Variants in GPHN observed in about 807,000 individuals in gnomAD.
GPHN encodes gephyrin.
A neutral mutation model predicts 95.5 loss-of-function variants in GPHN; 17 were observed. The observed-to-expected ratio is 0.18, with a 90% confidence interval of 0.12 to 0.27. The LOEUF is 0.27. Among genes scored for constraint, GPHN ranks in the 10% least tolerant of loss-of-function variants. GPHN has a pLI of 1.00. For synonymous variants in GPHN, 320 were observed against 322.5 expected, an observed-to-expected ratio of 0.99 and a Z score of 0.08; for missense variants, 660 against 978.1, an observed-to-expected ratio of 0.67 and a Z score of 4.34.
At chr14:66,702,511 T>A (rs922130988) in intron 2 of GPHN, among the ~76,000 whole-genome samples, 6 of 152,032 alleles carry the variant, frequency 3.9e-5, no homozygotes, top group African/African-American at 7.2e-5. Flanking sequence ...ACCAAATGAA[T>A]AGGGCCTGAA....
chr14:67,064,261 C>G (rs891308113), intron 11 of GPHN, among the ~76,000 whole-genome samples: 1 of 152,124 alleles, frequency 6.6e-6, no homozygotes, highest in African/African-American at 2.4e-5. Flanking sequence ...TTTGAACCAG[C>G]CTTTCATCTC....
intron 12 of GPHN, among the ~76,000 whole-genome samples, chr14:67,097,493 A>G (rs8009087): frequency 0.33 from 49,460 of 151,592 alleles, 12,835 homozygotes; most frequent in African/African-American, 0.7. Flanking sequence ...CTTCATGTCT[A>G]TCTTTTCCTC....
the GPHN span, among the ~76,000 whole-genome samples, chr14:67,372,480 T>C: frequency 2.6e-5 from 4 of 152,270 alleles, no homozygotes; most frequent in East Asian, 3.9e-4. Flanking sequence ...AAAGACACTA[T>C]AAAGAGAATA....
At chr14:67,474,820 C>T in the GPHN span, among the ~76,000 whole-genome samples, 1 of 152,074 alleles carries the variant, frequency 6.6e-6, no homozygotes, top group South Asian at 2.1e-4. Context: ...AAACACTGTC[C>T]TTTTGTGACT....
the GPHN span, among the ~76,000 whole-genome samples, chr14:67,192,909 T>G: frequency 6.8e-6 from 1 of 146,566 alleles, no homozygotes; most frequent in Non-Finnish European, 1.5e-5. Context: ...TCTAGATATA[T>G]ATAGATATAT....
the GPHN span, chr14:67,646,979 G>T: frequency 1.7e-5 from 27 of 1,612,842 alleles, no homozygotes; most frequent in Admixed American, 4.5e-4. Context: ...TGATCGACTT[G>T]GTATCCAGAA....
chr14:66,879,328 A>C (rs1026177620), intron 4 of GPHN, among the ~76,000 whole-genome samples: 1 of 150,284 alleles, frequency 6.7e-6, no homozygotes, highest in African/African-American at 2.5e-5. Flanking sequence ...CGTTCTGCAC[A>C]TGTACCCCAG....
At chr14:66,948,525 A>C (rs2067893495) in intron 8 of GPHN, among the ~76,000 whole-genome samples, 1 of 152,270 alleles carries the variant, frequency 6.6e-6, no homozygotes, top group East Asian at 1.9e-4. Context: ...GTCTTTTTAA[A>C]ATTTATATCA....
At position 66,776,536 on chromosome 14, in the gene GPHN, T is replaced by C. The variant is rs1296379131; in HGVS notation, c.201+15T>C. The C allele has an allele frequency of 6.8e-7, 1 of 1,463,484 alleles. No individual in the cohort carries two copies. The highest frequency in any genetic ancestry group is 9.6e-7 in the Non-Finnish European group (1 of 1,043,472). The allele number at this position is 1,463,484 out of a possible 1,614,324, so 90.7% of individuals were successfully genotyped here. A position where few individuals can be genotyped will look rare whatever the true frequency, so the allele number is the denominator to read the frequency against. On this transcript the variant is annotated intron_variant, in intron 3 of 22. Coordinates refer to ENST00000478722, the MANE Select transcript of GPHN (RefSeq NM_020806.5). ...AAGAAATCAAGGTATAGTATGGCAT[T>C]TTTCACCTCTACAAACATTTAGCAT... is the stretch of plus-strand genomic sequence containing the variant.
chr14:67,677,363 A>ATTTTTTTTTTTTTTTTTTTTTT, the GPHN span: 2 of 31,978 alleles, frequency 6.3e-5, no homozygotes, highest in Admixed American at 5.7e-4. Flanking sequence ...TGTTTTTAGG[A>ATTTTTTTTTTTTTTTTTTTTTT]TTTTTTTTTT....
Position 66,636,869 on chromosome 14 carries a change from A to C in GPHN, c.65-44238A>C, listed in dbSNP as rs80243121. Among the ~76,000 whole-genome samples, 555 of 152,304 alleles carry C rather than the reference A, an allele frequency of 3.6e-3. 12 individuals carry two copies. Among genetic ancestry groups the C allele is most frequent in the African/African-American group, 0.013 (529 of 41,588 alleles). The stretch of plus-strand genomic sequence containing the variant: ...AGTTGATGTAGCCCAAACAGTAAAT[A>C]ATCTGGATAATCTATTATCTTGATT... On this transcript the variant is annotated intron_variant, in intron 1 of 22. Coordinates refer to ENST00000478722, the MANE Select transcript of GPHN (RefSeq NM_020806.5).
At chr14:67,662,528 C>T in the GPHN span, 1 of 1,611,452 alleles carries the variant, frequency 6.2e-7, no homozygotes, top group African/African-American at 1.3e-5. Context: ...TCAATTTCTT[C>T]TTTTCTTCTA....
the GPHN span, among the ~76,000 whole-genome samples, chr14:67,438,558 G>A: frequency 1.2e-4 from 18 of 152,258 alleles, 1 homozygote; most frequent in Admixed American, 9.2e-4. Context: ...GAGGACTCTG[G>A]TGAGTATAAA....
At chr14:66,981,601 AT>A (rs899995986) in intron 9 of GPHN, among the ~76,000 whole-genome samples, 77 of 152,148 alleles carry the variant, frequency 5.1e-4, no homozygotes, top group Non-Finnish European at 9.7e-4. Flanking sequence ...GATAATCATA[AT>A]TTTTTTAAAA....
chr14:66,595,554 T>A (rs2061938808), intron 1 of GPHN, among the ~76,000 whole-genome samples: 1 of 152,122 alleles, frequency 6.6e-6, no homozygotes, highest in South Asian at 2.1e-4. Flanking sequence ...ATCTGGCCAC[T>A]GCACACAGCC....
chr14:67,043,597 A>G (rs2074834872), intron 10 of GPHN, among the ~76,000 whole-genome samples: 1 of 152,176 alleles, frequency 6.6e-6, no homozygotes, highest in African/African-American at 2.4e-5. Context: ...CATGGTGGAT[A>G]AGATTTTTGA....
At chr14:67,084,211 GT>G (rs2153664834) in intron 11 of GPHN, among the ~76,000 whole-genome samples, 1 of 152,304 alleles carries the variant, frequency 6.6e-6, no homozygotes, top group South Asian at 2.1e-4. Context: ...CCAATTCTCT[GT>G]TTTATCACCA....
intron 12 of GPHN, 31 bp from the exon 13 acceptor site, chr14:67,100,825 T>A: frequency 6.8e-7 from 1 of 1,467,014 alleles, no homozygotes; most frequent in Non-Finnish European, 9.6e-7. Context: ...TCCATACTGA[T>A]GTTTGTTCTT....
chr14:67,011,820 TAA>T (rs1457174411), intron 9 of GPHN, among the ~76,000 whole-genome samples: 1 of 134,722 alleles, frequency 7.4e-6, no homozygotes, highest in African/African-American at 2.6e-5. Context: ...GTTGTGTGTA[TAA>T]ATACACAGAT....
Sources: allele counts gnomAD v4.1 joint callset (sites outside exome capture counted in the v4.1 genomes callset), GRCh38; gene constraint gnomAD v4.1.1; transcripts MANE v1.5; gene names NCBI Gene and HGNC (gene_info 2026-07-23, HGNC 2026-07-21).